Variants in ARHGAP17 observed in about 807,000 individuals in gnomAD.
ARHGAP17 encodes the protein rho GTPase-activating protein 17.
In ARHGAP17, 57 loss-of-function variants were observed where a neutral mutation model predicts 99.5. The ratio of observed to expected loss-of-function variants is 0.57; its 90% confidence interval spans 0.46 to 0.71. ARHGAP17 has a LOEUF of 0.71. Ranked by LOEUF, ARHGAP17 falls within the 30% of genes least tolerant of loss-of-function variation. The pLI is 0.00. For synonymous variants in ARHGAP17, 417 were observed against 429.6 expected (o/e 0.97, Z 0.36); for missense variants, 1,000 against 1,122.4 (o/e 0.89, Z 1.56).
At chr16:24,997,879 T>A (rs2053243051) in intron 1 of ARHGAP17, among the ~76,000 whole-genome samples, 1 of 152,086 alleles carries the variant, frequency 6.6e-6, no homozygotes, top group African/African-American at 2.4e-5. Flanking sequence ...GATATCCAGT[T>A]CCCTTTTTTC....
chr16:24,964,389 A>G, intron 6 of ARHGAP17, 81 bp from the exon 7 acceptor site: 1 of 919,538 alleles, frequency 1.1e-6, no homozygotes, highest in South Asian at 1.6e-5. Flanking sequence ...GTGGAGATAG[A>G]TCCTTCCCCA....
At chr16:24,990,730 C>A (rs1203174729) in intron 1 of ARHGAP17, among the ~76,000 whole-genome samples, 3 of 151,182 alleles carry the variant, frequency 2.0e-5, no homozygotes, top group Non-Finnish European at 4.4e-5. Flanking sequence ...TGGACCCCAA[C>A]CTAAAACAAA....
chr16:25,005,484 T>C (rs919059379), intron 1 of ARHGAP17, among the ~76,000 whole-genome samples: 2 of 152,338 alleles, frequency 1.3e-5, no homozygotes, highest in South Asian at 2.1e-4. Flanking sequence ...AAGATTTCAT[T>C]AACAGCACCT....
intron 1 of ARHGAP17, among the ~76,000 whole-genome samples, chr16:25,003,038 C>CAAAA (rs1177218423): frequency 0.09 from 4,810 of 53,208 alleles, 558 homozygotes; most frequent in Middle Eastern, 0.22. Context: ...GACTCCGTCT[C>CAAAA]AAAAAAAAAA....
At chr16:24,972,937 AT>A (rs11335814) in intron 3 of ARHGAP17, among the ~76,000 whole-genome samples, 62,983 of 147,204 alleles carry the variant, frequency 0.43, 13,205 homozygotes, top group East Asian at 0.51. Context: ...ATCAGGGATA[AT>A]TTTTTTTTTT....
chr16:24,977,780 AC>A (rs1489418206), intron 2 of ARHGAP17, among the ~76,000 whole-genome samples: 1 of 152,138 alleles, frequency 6.6e-6, no homozygotes, highest in Non-Finnish European at 1.5e-5. Context: ...GACTTAGGGG[AC>A]CCACGCATCA....
chr16:24,982,978 A>ATATATATATATATATATT (rs1597451601), intron 1 of ARHGAP17, among the ~76,000 whole-genome samples: 23 of 20,456 alleles, frequency 1.1e-3, no homozygotes, highest in African/African-American at 3.3e-3. Flanking sequence ...ATATATATAT[A>ATATATATATATATATATT]TATATATATA....
intron 3 of ARHGAP17, among the ~76,000 whole-genome samples, chr16:24,974,412 C>A (rs1455467260): frequency 6.6e-6 from 1 of 151,976 alleles, no homozygotes; most frequent in Non-Finnish European, 1.5e-5. Context: ...CTGGGCGACA[C>A]AGCAAGATTC....
In ARHGAP17 at chr16:24,939,550, G is replaced by T; in HGVS notation, c.1538C>A (p.Thr513Asn). Residue 513 changes from threonine (T) to asparagine (N), a missense_variant, in exon 17 of 20, where the codon ACT becomes AAT. Transcript: ENST00000289968. Reference sequence around the variant, plus strand: ...GGGGGATATGTGCTTTCTATTTAGAGTGCCACCCCGCCGGTGGGCCTGGAA... The same window carrying T: ...GGGGGATATGTGCTTTCTATTTAGATTGCCACCCCGCCGGTGGGCCTGGAA... ...MDFQAHRRGG[T>N]LNRKHISPAF... 6.2e-7 allele frequency: 1 copy of T among 1,606,790 alleles called. No individual in the cohort carries two copies. Among genetic ancestry groups the T allele is most frequent in the Non-Finnish European group, 8.5e-7 (1 of 1,177,382 alleles).
rs777243760 is a variant in ARHGAP17, at chr16:24,935,653, A to C, written c.1725-14T>G. On this transcript the variant is annotated splice_polypyrimidine_tract_variant and intron_variant, in intron 17 of 19. Transcript: ENST00000289968. Reference sequence around the variant, plus strand: ...GGTTTGGGAGGACTAAGAGGAGTAAAAGTCAAGTTAGACGTCAGACAATCC... The same window carrying C: ...GGTTTGGGAGGACTAAGAGGAGTAACAGTCAAGTTAGACGTCAGACAATCC... 1 of 1,613,338 alleles carries C rather than the reference A, an allele frequency of 6.2e-7. No homozygotes were observed. Among genetic ancestry groups the C allele is most frequent in the Non-Finnish European group, 8.5e-7 (1 of 1,179,774 alleles).
intron 1 of ARHGAP17, among the ~76,000 whole-genome samples, chr16:25,014,960 C>T (rs1490141239): frequency 1.3e-5 from 2 of 151,900 alleles, no homozygotes; most frequent in Non-Finnish European, 2.9e-5. Context: ...CGCGGTGTGG[C>T]GGAGGAGGCG....
chr16:24,925,044 T>C (rs1194980314), intron 19 of ARHGAP17, among the ~76,000 whole-genome samples: 3 of 152,118 alleles, frequency 2.0e-5, no homozygotes, highest in African/African-American at 7.2e-5. Flanking sequence ...CCCAAGGATA[T>C]ACACAACTCT....
chr16:25,013,327 T>C lies in ARHGAP17; in HGVS notation c.53+1882A>G, dbSNP rs1322702404. Among the ~76,000 whole-genome samples the C allele has an allele frequency of 2.0e-5, 3 of 152,046 alleles. No homozygotes were observed. The East Asian group carries it at 5.8e-4, about 29-fold the overall frequency. ...AAGGTAGGCAAGCATGGCCGGAATT[T>C]TAAAATGTGAAGGTGCCAGGCAAGG... On this transcript the variant is annotated intron_variant, in intron 1 of 19. Transcript: ENST00000289968.
chr16:24,971,990 A>C lies in ARHGAP17; in HGVS notation c.199-1410T>G, dbSNP rs149211028. ...ACAAGTGGGCTGGTTATAACGTCATAATCTGCTAACAAAAAAATGCTTTCA... is the reference window on the plus strand; with the variant it reads ...ACAAGTGGGCTGGTTATAACGTCATCATCTGCTAACAAAAAAATGCTTTCA... On this transcript the variant is annotated intron_variant, in intron 3 of 19. Coordinates refer to ENST00000289968, the MANE Select transcript of ARHGAP17 (RefSeq NM_001006634.3). Among the ~76,000 whole-genome samples the C allele has an allele frequency of 9.8e-4, 150 of 152,318 alleles. 2 individuals carry two copies. The highest frequency in any genetic ancestry group is 3.4e-4 in the Non-Finnish European group (23 of 68,024).
intron 13 of ARHGAP17, among the ~76,000 whole-genome samples, chr16:24,948,267 T>C (rs1222887020): frequency 6.6e-6 from 1 of 152,142 alleles, no homozygotes; most frequent in Non-Finnish European, 1.5e-5. Context: ...TTTGGTTTTT[T>C]AAAAAGGGGG....
chr16:24,982,996 A>ATATATATATATT (rs1315859010), intron 1 of ARHGAP17, among the ~76,000 whole-genome samples: 3 of 46,974 alleles, frequency 6.4e-5, no homozygotes, highest in Admixed American at 3.7e-4. Flanking sequence ...ATATATATAT[A>ATATATATATATT]TTTTTTTTTT....
At chr16:24,937,116 GA>G (rs10639914) in intron 17 of ARHGAP17, among the ~76,000 whole-genome samples, 34 of 130,388 alleles carry the variant, frequency 2.6e-4, no homozygotes, top group South Asian at 2.4e-4. Flanking sequence ...GACCCTGTCT[GA>G]AAAAAAAAAA....
At chr16:25,007,615 C>T (rs1226371724) in intron 1 of ARHGAP17, among the ~76,000 whole-genome samples, 5 of 152,188 alleles carry the variant, frequency 3.3e-5, no homozygotes, top group African/African-American at 1.2e-4. Flanking sequence ...ATCCTCCCAC[C>T]TCAGCCTCCC....
chr16:24,968,685 C>T lies in ARHGAP17; in HGVS notation c.360G>A (p.Val120=). 6.2e-7 allele frequency: 1 copy of T among 1,614,224 alleles called. No individual in the cohort carries two copies. The highest frequency in any genetic ancestry group is 8.5e-7 in the Non-Finnish European group (1 of 1,180,050). Residue 120 remains valine (V), a synonymous_variant, in exon 5 of 20, where the codon GTG becomes GTA. Transcript: ENST00000289968. ...CCTCAGCTATGCCGTACAGAGGGTC[C>T]ACGATCTCCTTCTCAACAAAGACTT... ...QHEVFVEKEI[V]DPLYGIAEVE... is the part of the protein sequence containing the mutation.
Sources: gnomAD v4.1 joint callset for allele counts (sites outside exome capture counted in the v4.1 genomes callset) on GRCh38, gnomAD v4.1.1 for gene constraint, MANE v1.5 for transcripts, NCBI Gene and HGNC (gene_info 2026-07-23, HGNC 2026-07-21) for gene names.